The following MLIP variants were observed in gnomAD, a reference collection of about 807,000 sequenced individuals.
The protein encoded by MLIP is muscular LMNA-interacting protein.
Under a neutral mutation model 84.8 loss-of-function variants are expected in MLIP, and 79 were observed. The ratio of observed to expected loss-of-function variants is 0.93; its 90% CI spans 0.78 to 1.12. The LOEUF (loss-of-function observed/expected upper bound fraction) is 1.12. MLIP is among the 50% of genes most tolerant of loss of function. The pLI is 0.00. For missense variants in MLIP, 1,257 were observed against 1,160.6 expected (o/e 1.08, Z -1.21); for synonymous variants, 504 against 463.0 (o/e 1.09, Z -1.14).
chr6:54,085,362 C>T (rs953939730), intron 1 of MLIP, among the ~76,000 whole-genome samples: 7 of 152,160 alleles, frequency 4.6e-5, no homozygotes, highest in African/African-American at 1.7e-4. Flanking sequence ...GTTAGTGAAC[C>T]ATTTTTAAGC....
At chr6:54,204,038 A>G (rs1778876403) in intron 11 of MLIP, among the ~76,000 whole-genome samples, 1 of 152,234 alleles carries the variant, frequency 6.6e-6, no homozygotes, top group Non-Finnish European at 1.5e-5. Context: ...CATTACAAAT[A>G]CTTTTTATGA....
intron 3 of MLIP, among the ~76,000 whole-genome samples, chr6:54,135,058 T>G (rs559946772): frequency 1.2e-4 from 18 of 152,108 alleles, no homozygotes; most frequent in Non-Finnish European, 1.6e-4. Context: ...TGTATTTAAC[T>G]AAAATGATTG....
intron 1 of MLIP, among the ~76,000 whole-genome samples, chr6:54,025,068 C>T (rs1029454922): frequency 1.0e-4 from 15 of 150,702 alleles, no homozygotes; most frequent in African/African-American, 3.2e-4. Flanking sequence ...AGGCTAGTCT[C>T]GAACTCCTGG....
chr6:54,148,942 A>T, intron 4 of MLIP, 114 bp from the exon 5 acceptor site: 1 of 778,686 alleles, frequency 1.3e-6, no homozygotes, highest in East Asian at 2.7e-5. Context: ...TCAGCATAAT[A>T]ACCCTTTTCT....
rs769959762 is a variant in MLIP, at chr6:54,124,731, C to A, written c.511C>A (p.Arg171=). ...PPGGIGTAAV[R]PKSLAISSSL... Reference sequence around the variant, plus strand: ...AGGGGGGATTGGCACCGCAGCTGTCCGGCCCAAGTCTCTAGCTATCTCGTC... The same window carrying A: ...AGGGGGGATTGGCACCGCAGCTGTCAGGCCCAAGTCTCTAGCTATCTCGTC... Residue 171 remains arginine (R), a synonymous_variant, in exon 3 of 14, where the codon CGG becomes AGG. Transcript: ENST00000502396. 3.1e-6 allele frequency: 5 copies of A among 1,614,064 alleles called. No individual in the cohort carries two copies. Among genetic ancestry groups the A allele is most frequent in the African/African-American group, 1.3e-5 (1 of 74,928 alleles).
At chr6:54,236,325 G>T (rs1214474162) in intron 12 of MLIP, among the ~76,000 whole-genome samples, 2 of 152,208 alleles carry the variant, frequency 1.3e-5, no homozygotes, top group East Asian at 1.9e-4. Flanking sequence ...TAAAAGCCAG[G>T]TGCGGTGGCT....
At chr6:54,261,757 A>T in intron 13 of MLIP, 2 of 984,004 alleles carry the variant, frequency 2.0e-6, no homozygotes, top group Non-Finnish European at 2.4e-6. Context: ...AGCCACTCTC[A>T]TTTTCTGGTT....
intron 13 of MLIP, among the ~76,000 whole-genome samples, chr6:54,262,491 A>T (rs143089464): frequency 1.9e-3 from 291 of 152,158 alleles, no homozygotes; most frequent in African/African-American, 6.7e-3. Context: ...TTGGGATGAC[A>T]ATCTGTGTCT....
chr6:54,112,276 TA>T (rs1416146289), intron 1 of MLIP, among the ~76,000 whole-genome samples: 2 of 152,186 alleles, frequency 1.3e-5, no homozygotes, highest in Admixed American at 6.5e-5. Context: ...AAACAGCAAA[TA>T]TTTTTTTGTT....
intron 1 of MLIP, among the ~76,000 whole-genome samples, chr6:54,053,074 C>T (rs1765464446): frequency 1.3e-5 from 2 of 151,980 alleles, no homozygotes; most frequent in Non-Finnish European, 2.9e-5. Flanking sequence ...TTATATTAGC[C>T]CCATTTTATA....
At chr6:54,062,280 G>A (rs916092875) in intron 1 of MLIP, among the ~76,000 whole-genome samples, 8 of 151,678 alleles carry the variant, frequency 5.3e-5, no homozygotes, top group African/African-American at 1.9e-4. Flanking sequence ...CACATTTTCC[G>A]TTCATGATGT....
chr6:54,137,253 T>C lies in MLIP; in HGVS notation c.1184T>C (p.Met395Thr). 3 of 1,536,066 alleles carry C rather than the reference T, an allele frequency of 2.0e-6. No individual in the cohort carries two copies. Among genetic ancestry groups the C allele is most frequent in the Non-Finnish European group, 2.6e-6 (3 of 1,146,904 alleles). The stretch of plus-strand genomic sequence containing the variant: ...TCTTCTTCCACCATCTGCAGCCAAA[T>C]GTCATCTAGTGGAAATCTTTCAAAG... ...HGSSSTICSQ[M>T]SSSGNLSKSG... Residue 395 changes from methionine to threonine, a missense_variant, in exon 4 of 14, where the codon ATG becomes ACG. Physicochemically the swap from Met to Thr is moderately conservative, Grantham distance 81. Coordinates refer to ENST00000502396, the MANE Select transcript of MLIP (RefSeq NM_001281747.2).
intron 4 of MLIP, among the ~76,000 whole-genome samples, chr6:54,144,249 C>T (rs565870540): frequency 1.2e-4 from 18 of 152,300 alleles, no homozygotes; most frequent in African/African-American, 4.3e-4. Context: ...CAGACGTGAT[C>T]ACCGAGGAGC....
At chr6:54,189,971 T>C in intron 10 of MLIP, 57 bp downstream of exon 10, 2 of 1,211,124 alleles carry the variant, frequency 1.7e-6, no homozygotes, top group Non-Finnish European at 1.2e-6. Context: ...AAGAGAGCTT[T>C]ACCTGAGTAA....
intron 11 of MLIP, chr6:54,217,360 G>C: frequency 1.0e-6 from 1 of 985,392 alleles, no homozygotes; most frequent in Non-Finnish European, 1.2e-6. Flanking sequence ...CTTTGATGTT[G>C]CAATGGAAAC....
intron 12 of MLIP, among the ~76,000 whole-genome samples, chr6:54,251,822 TATAAATATATATATTATAAC>T (rs1782552313): frequency 1.2e-5 from 1 of 84,864 alleles, no homozygotes; most frequent in African/African-American, 4.7e-5. Flanking sequence ...TAACAGATAA[TATAAATATATATATTATAAC>T]ATATAATATA....
At chr6:54,069,481 G>T (rs1189237425) in intron 1 of MLIP, among the ~76,000 whole-genome samples, 2 of 100,052 alleles carry the variant, frequency 2.0e-5, no homozygotes, top group African/African-American at 5.1e-5. Flanking sequence ...AGTCCCTCTT[G>T]CAGGTAACAA....
intron 10 of MLIP, among the ~76,000 whole-genome samples, chr6:54,193,136 G>C (rs930000941): frequency 2.0e-5 from 3 of 152,208 alleles, no homozygotes; most frequent in African/African-American, 7.2e-5. Flanking sequence ...TGATTTAGAG[G>C]AGCTTGGGAG....
chr6:54,131,866 T>G (rs1771410698), intron 3 of MLIP, among the ~76,000 whole-genome samples: 1 of 152,232 alleles, frequency 6.6e-6, no homozygotes, highest in Non-Finnish European at 1.5e-5. Context: ...TAGGTGGTTC[T>G]GCAGATATGG....
Sources: gnomAD v4.1 joint callset for allele counts (sites outside exome capture counted in the v4.1 genomes callset) on GRCh38, gnomAD v4.1.1 for gene constraint, MANE v1.5 for transcripts, NCBI Gene and HGNC (gene_info 2026-07-23, HGNC 2026-07-21) for gene names.